Variants in SCAF8 observed in about 807,000 individuals in gnomAD.
SCAF8 encodes SR-related and CTD-associated factor 8.
SCAF8 carries 23 observed loss-of-function variants against 140.5 expected under a neutral mutation model. That is an observed-to-expected ratio of 0.16 (90% CI 0.12 to 0.23). The LOEUF is 0.23. SCAF8 is among the 10% of genes least tolerant of loss of function. SCAF8 has a pLI of 1.00. For missense variants in SCAF8, 1,397 were observed against 1,555.7 expected (o/e 0.90, Z 1.72); for synonymous variants, 575 against 528.9 (o/e 1.09, Z -1.20).
Position 154,787,905 on chromosome 6 carries a change from C to A in SCAF8, c.204C>A (p.Ser68=). ...YKVPGLYVID[S]IVRQSRHQFG... is the part of the protein sequence containing the mutation. ...TACCTGGACTTTATGTTATTGACTC[C>A]ATTGTGCGACAATCCCGACATCAGT... is the stretch of plus-strand genomic sequence containing the variant. The change falls in exon 4 of 20, where the codon TCC becomes TCA. Residue 68 remains serine, a synonymous_variant. Coordinates refer to ENST00000367178, the MANE Select transcript of SCAF8 (RefSeq NM_014892.5). 6.2e-7 allele frequency: 1 copy of A among 1,613,620 alleles called. No homozygotes were observed. Among genetic ancestry groups the A allele is most frequent in the South Asian group, 1.1e-5 (1 of 91,048 alleles).
At chr6:154,767,151 G>T (rs927397569) in intron 1 of SCAF8, among the ~76,000 whole-genome samples, 1 of 152,112 alleles carries the variant, frequency 6.6e-6, no homozygotes, top group East Asian at 1.9e-4. Flanking sequence ...CCAAAAAAAA[G>T]CATTTTTCTT....
chr6:154,806,900 AAAC>A (rs1469554030), intron 9 of SCAF8, among the ~76,000 whole-genome samples: 1 of 152,218 alleles, frequency 6.6e-6, no homozygotes, highest in African/African-American at 2.4e-5. Context: ...TTTAAAGAAA[AAAC>A]AAAGTTGTAA....
intron 1 of SCAF8, among the ~76,000 whole-genome samples, chr6:154,743,010 C>T (rs904999093): frequency 6.6e-6 from 1 of 152,084 alleles, no homozygotes; most frequent in Non-Finnish European, 1.5e-5. Context: ...AAACCATGCC[C>T]TCTTGGAGCC....
intron 1 of SCAF8, among the ~76,000 whole-genome samples, chr6:154,764,591 A>C (rs867676664): frequency 6.6e-6 from 1 of 152,210 alleles, no homozygotes; most frequent in Non-Finnish European, 1.5e-5. Context: ...ACTAACTGGG[A>C]TCAGCAGCCA....
intron 5 of SCAF8, 121 bp from the exon 6 acceptor site, chr6:154,794,883 CAATAA>C (rs1385217007): frequency 9.4e-6 from 7 of 747,196 alleles, no homozygotes; most frequent in Non-Finnish European, 6.0e-6. Context: ...AAAGTGGACA[CAATAA>C]AATAAAAACA....
chr6:154,804,367 A>G (rs1777853705), intron 8 of SCAF8, among the ~76,000 whole-genome samples: 1 of 152,222 alleles, frequency 6.6e-6, no homozygotes, highest in South Asian at 2.1e-4. Context: ...ATTTTAGATT[A>G]TGAATTGCAA....
intron 3 of SCAF8, among the ~76,000 whole-genome samples, chr6:154,779,710 T>G (rs932213096): frequency 6.6e-6 from 1 of 152,140 alleles, no homozygotes; most frequent in Non-Finnish European, 1.5e-5. Context: ...GCTATTACCC[T>G]GTTTAAATCA....
chr6:154,781,924 T>G (rs995338244), intron 3 of SCAF8, among the ~76,000 whole-genome samples: 3 of 152,226 alleles, frequency 2.0e-5, no homozygotes, highest in African/African-American at 7.2e-5. Flanking sequence ...GGCTGCAGTT[T>G]GGTCATATAT....
intron 1 of SCAF8, among the ~76,000 whole-genome samples, chr6:154,735,123 A>C (rs142133444): frequency 0.017 from 2,503 of 148,068 alleles, 28 homozygotes; most frequent in Non-Finnish European, 0.023. Context: ...GACTCTGTCT[A>C]CAAAAAAAAA....
intron 3 of SCAF8, among the ~76,000 whole-genome samples, chr6:154,784,429 G>T (rs1041976030): frequency 1.2e-4 from 18 of 151,914 alleles, no homozygotes; most frequent in Non-Finnish European, 1.9e-4. Context: ...TAATCATTAT[G>T]ATTAGAGAAA....
chr6:154,740,775 T>G (rs994518702), intron 1 of SCAF8, among the ~76,000 whole-genome samples: 1 of 151,970 alleles, frequency 6.6e-6, no homozygotes. Context: ...CGCACCTCCA[T>G]GCCTGGGTAA....
chr6:154,819,555 C>T (rs1778353846), intron 14 of SCAF8, among the ~76,000 whole-genome samples: 1 of 152,166 alleles, frequency 6.6e-6, no homozygotes, highest in African/African-American at 2.4e-5. Context: ...CATGCTACTG[C>T]ACTCCAGCCT....
At chr6:154,746,484 A>C (rs899956965) in intron 1 of SCAF8, among the ~76,000 whole-genome samples, 1 of 152,168 alleles carries the variant, frequency 6.6e-6, no homozygotes, top group East Asian at 1.9e-4. Flanking sequence ...TCATCATAGT[A>C]TCTTCAATTC....
At position 154,747,896 on chromosome 6, in the gene SCAF8, C is replaced by CTATGTGTGTG. The variant is rs3221130; in HGVS notation, c.30+13967_30+13968insATGTGTGTGT. 9.9e-4 allele frequency among the ~76,000 whole-genome samples: 144 copies of CTATGTGTGTG among 144,736 alleles called. 1 individual carries two copies. The highest frequency in any genetic ancestry group is 3.1e-3 in the African/African-American group (122 of 39,622). The allele number at this position is 144,736 out of a possible 152,430, so 95.0% of individuals were successfully genotyped here. On this transcript the variant is annotated intron_variant, in intron 1 of 19. Coordinates refer to ENST00000367178, the MANE Select transcript of SCAF8 (RefSeq NM_014892.5). Reference sequence around the variant, plus strand: ...CCTTCATGGAGTTTACATTTCATTTCTGTGTGTGTGTGTGTGTGTGTGTGT... The same window carrying CTATGTGTGTG: ...CCTTCATGGAGTTTACATTTCATTTCTATGTGTGTGTGTGTGTGTGTGTGTGTGTGTGTGT...
At chr6:154,771,722 C>T (rs1776773455) in intron 1 of SCAF8, among the ~76,000 whole-genome samples, 1 of 152,062 alleles carries the variant, frequency 6.6e-6, no homozygotes, top group African/African-American at 2.4e-5. Context: ...ACAGTAGATA[C>T]TGGGGTCTGC....
chr6:154,804,102 C>T (rs1157180661), intron 8 of SCAF8, among the ~76,000 whole-genome samples: 1 of 150,886 alleles, frequency 6.6e-6, no homozygotes, highest in Non-Finnish European at 1.5e-5. Flanking sequence ...TTTCCCTAAA[C>T]AATTCTGCAG....
At chr6:154,831,622 G>C (rs1313351040) in intron 19 of SCAF8, among the ~76,000 whole-genome samples, 1 of 138,780 alleles carries the variant, frequency 7.2e-6, no homozygotes, top group Non-Finnish European at 1.5e-5. Context: ...TGACCTTGAT[G>C]CCTGTTTGGG....
intron 12 of SCAF8, among the ~76,000 whole-genome samples, chr6:154,813,216 C>G (rs1778147633): frequency 6.6e-6 from 1 of 151,814 alleles, no homozygotes; most frequent in Non-Finnish European, 1.5e-5. Flanking sequence ...CAAAACAAAA[C>G]AAAACAAAAA....
chr6:154,777,141 G>A (rs901527802), intron 2 of SCAF8, among the ~76,000 whole-genome samples: 6 of 151,744 alleles, frequency 4.0e-5, no homozygotes, highest in African/African-American at 1.2e-4. Flanking sequence ...AGATTGTGCC[G>A]CTGCACACCA....
Sources: gnomAD v4.1 joint callset for allele counts (sites outside exome capture counted in the v4.1 genomes callset) on GRCh38, gnomAD v4.1.1 for gene constraint, MANE v1.5 for transcripts, NCBI Gene and HGNC (gene_info 2026-07-23, HGNC 2026-07-21) for gene names.